The following NCK1 variants were observed in gnomAD, a reference collection of about 807,000 sequenced individuals.
NCK1 encodes SH2/SH3 adapter protein NCK1.
NCK1 carries 19 observed loss-of-function variants against 36.6 expected under a neutral mutation model. That is an observed-to-expected ratio of 0.52 (90% confidence interval 0.36 to 0.76). The LOEUF is 0.76. NCK1 is among the 30% of genes least tolerant of loss of function. The probability of loss-of-function intolerance (pLI) is 0.00; values close to 1 mark genes in which losing one functional copy is unlikely to be tolerated. For missense variants in NCK1, 358 were observed against 445.6 expected (o/e 0.80, Z 1.77); for synonymous variants, 165 against 156.0 (o/e 1.06, Z -0.43).
At chr3:136,939,224 A>C (rs1363984942) in intron 2 of NCK1, among the ~76,000 whole-genome samples, 1 of 152,112 alleles carries the variant, frequency 6.6e-6, no homozygotes, top group Admixed American at 6.5e-5. Flanking sequence ...GTTTCTTGGA[A>C]TTGATGTTTT....
In NCK1 at chr3:136,945,673, A is replaced by G. The variant is rs1198000788; in HGVS notation, c.317A>G (p.Asp106Gly). ...SFVDPGERLY[D>G]LNMPAYVKFN... Reference sequence around the variant, plus strand: ...GTTGACCCAGGGGAACGTCTCTATGACCTCAACATGCCCGCTTATGTGAAA... The same window carrying G: ...GTTGACCCAGGGGAACGTCTCTATGGCCTCAACATGCCCGCTTATGTGAAA... The change falls in exon 3 of 4, where the codon GAC becomes GGC. Residue 106 changes from aspartate to glycine, a missense_variant. Around this residue, in one of 3 missense-constraint regions of NCK1, gnomAD observed 143 missense variants for 162.4 expected, o/e 0.88. Coordinates refer to ENST00000481752, the MANE Select transcript of NCK1 (RefSeq NM_001291999.2). The G allele has an allele frequency of 3.7e-6, 6 of 1,614,112 alleles. No individual in the cohort carries two copies. The highest frequency in any genetic ancestry group is 5.1e-6 in the Non-Finnish European group (6 of 1,179,992).
chr3:136,873,406 C>T (rs1215557817), intron 1 of NCK1, among the ~76,000 whole-genome samples: 2 of 152,172 alleles, frequency 1.3e-5, no homozygotes, highest in African/African-American at 4.8e-5. Context: ...TCCTGTACCC[C>T]CATCTTATCT....
intron 1 of NCK1, among the ~76,000 whole-genome samples, chr3:136,908,214 G>T (rs549349837): frequency 6.6e-5 from 10 of 152,226 alleles, no homozygotes; most frequent in Non-Finnish European, 1.0e-4. Context: ...ACATAGGTCC[G>T]CAACCGTATC....
intron 2 of NCK1, among the ~76,000 whole-genome samples, chr3:136,929,166 C>T (rs1940328892): frequency 6.6e-6 from 1 of 152,140 alleles, no homozygotes; most frequent in Non-Finnish European, 1.5e-5. Context: ...CTCCTGGGCT[C>T]AAGCAACCCT....
At position 136,880,295 on chromosome 3, in the gene NCK1, A is replaced by AT. The variant is rs1381681566; in HGVS notation, c.-19+17942_-19+17943insT. Among the ~76,000 whole-genome samples, 4 of 152,224 alleles carry AT rather than the reference A, an allele frequency of 2.6e-5. No individual in the cohort carries two copies. In the East Asian group the frequency reaches 7.7e-4, roughly 29 times the overall value. On this transcript the variant is annotated intron_variant, in intron 1 of 3. Coordinates refer to ENST00000481752, the MANE Select transcript of NCK1 (RefSeq NM_001291999.2). ...GCGAGACTCCGTCTCAAAAAAAAAAAAAGAATGTGACCTTATTTCGAAGTG... is the reference window on the plus strand; with the variant it reads ...GCGAGACTCCGTCTCAAAAAAAAAAATAAGAATGTGACCTTATTTCGAAGTG...
At chr3:136,886,817 C>CTT (rs35976394) in intron 1 of NCK1, among the ~76,000 whole-genome samples, 2 of 137,078 alleles carry the variant, frequency 1.5e-5, no homozygotes, top group South Asian at 4.6e-4. Context: ...CATGATCAGT[C>CTT]TTTTTTTTTT....
Position 136,945,765 on chromosome 3 carries a change from G to T in NCK1, c.409G>T (p.Glu137Ter). Residue 137 changes from glutamate (E) to a stop codon, truncating the protein, a stop_gained, in exon 3 of 4, where the codon GAG becomes TAG. Transcript: ENST00000481752. LOFTEE classifies it high-confidence loss of function. Reference sequence around the variant, plus strand: ...AAAGGGGACAAAGGTGATCGTCATGGAGAAATGCAGTGATGGGTGGTGGCG... The same window carrying T: ...AAAGGGGACAAAGGTGATCGTCATGTAGAAATGCAGTGATGGGTGGTGGCG... ...LIKGTKVIVM[E>*]KCSDGWWRGS... The T allele has an allele frequency of 6.2e-7, 1 of 1,614,164 alleles. No homozygotes were observed. Among genetic ancestry groups the T allele is most frequent in the East Asian group, 2.2e-5 (1 of 44,872 alleles).
At chr3:136,900,086 C>G (rs1024534472) in intron 1 of NCK1, 1 of 478,048 alleles carries the variant, frequency 2.1e-6, no homozygotes, top group African/African-American at 2.0e-5. Context: ...TGGTCCCTTT[C>G]AGGGCTTGAT....
At chr3:136,869,150 GA>G (rs1687675516) in intron 1 of NCK1, among the ~76,000 whole-genome samples, 2 of 151,982 alleles carry the variant, frequency 1.3e-5, no homozygotes, top group Admixed American at 1.3e-4. Context: ...AGAGGCAGGA[GA>G]ATGGCTTGAA....
At chr3:136,897,913 C>T (rs1403347872) in intron 1 of NCK1, among the ~76,000 whole-genome samples, 1 of 152,148 alleles carries the variant, frequency 6.6e-6, no homozygotes, top group East Asian at 1.9e-4. Context: ...GAGATCTGAG[C>T]TTCCTAAAAA....
chr3:136,934,779 G>C (rs956277551), intron 2 of NCK1, among the ~76,000 whole-genome samples: 2 of 152,172 alleles, frequency 1.3e-5, no homozygotes, highest in African/African-American at 4.8e-5. Context: ...ATTTAAACTT[G>C]TATCTCCTAT....
At chr3:136,930,102 A>G (rs912797977) in intron 2 of NCK1, among the ~76,000 whole-genome samples, 2 of 152,180 alleles carry the variant, frequency 1.3e-5, no homozygotes, top group African/African-American at 4.8e-5. Context: ...CAGCTTTTAC[A>G]TTAGATAAAC....
intron 1 of NCK1, among the ~76,000 whole-genome samples, chr3:136,867,253 G>C (rs975599440): frequency 8.7e-6 from 1 of 114,348 alleles, no homozygotes; most frequent in Non-Finnish European, 1.8e-5. Context: ...CCGTCCGTCT[G>C]TCTCTCTCTC....
chr3:136,866,989 C>G (rs538349278), intron 1 of NCK1, among the ~76,000 whole-genome samples: 1 of 151,760 alleles, frequency 6.6e-6, no homozygotes, highest in African/African-American at 2.4e-5. Context: ...GTTGAATTTT[C>G]GCTTTTGGTC....
chr3:136,925,151 G>A lies in NCK1; in HGVS notation c.-18-2833G>A, dbSNP rs374467312. 7.9e-5 allele frequency among the ~76,000 whole-genome samples: 12 copies of A among 152,230 alleles called. No homozygotes were observed. The East Asian group carries it at 2.3e-3, about 29-fold the overall frequency. On this transcript the variant is annotated intron_variant, in intron 1 of 3. Coordinates refer to ENST00000481752, the MANE Select transcript of NCK1 (RefSeq NM_001291999.2). Reference sequence around the variant, plus strand: ...AATTTTTAGTTATTATACCAGTAATGTAGTAGAATGCTATTTTTGTACATT... The same window carrying A: ...AATTTTTAGTTATTATACCAGTAATATAGTAGAATGCTATTTTTGTACATT...
At chr3:136,937,603 C>T (rs1328067668) in intron 2 of NCK1, among the ~76,000 whole-genome samples, 2 of 152,096 alleles carry the variant, frequency 1.3e-5, no homozygotes, top group Non-Finnish European at 2.9e-5. Flanking sequence ...TTATTTAAGT[C>T]TTCTTTAATT....
At chr3:136,920,459 G>C (rs115565006) in intron 1 of NCK1, among the ~76,000 whole-genome samples, 1 of 151,928 alleles carries the variant, frequency 6.6e-6, no homozygotes, top group African/African-American at 2.4e-5. Context: ...AAAGGAATGA[G>C]AATAAAGAAA....
At chr3:136,927,595 C>T (rs1216795892) in intron 1 of NCK1, among the ~76,000 whole-genome samples, 2 of 151,940 alleles carry the variant, frequency 1.3e-5, no homozygotes, top group Non-Finnish European at 2.9e-5. Flanking sequence ...GATATCGGCT[C>T]ACTGCAACCT....
At position 136,941,623 on chromosome 3, in the gene NCK1, C is replaced by A. The variant is rs866808920; in HGVS notation, c.227-3960C>A. 1.7e-3 allele frequency among the ~76,000 whole-genome samples: 259 copies of A among 152,112 alleles called. 1 individual carries two copies. The highest frequency in any genetic ancestry group is 5.3e-3 in the African/African-American group (218 of 41,498). ...CATCTTTGTATATTACATCTTTACACATTAAAATATATGCCCATTAACCTA... is the reference window on the plus strand; with the variant it reads ...CATCTTTGTATATTACATCTTTACAAATTAAAATATATGCCCATTAACCTA... On this transcript the variant is annotated intron_variant, in intron 2 of 3. Transcript: ENST00000481752.
Sources: gnomAD v4.1 joint callset for allele counts (sites outside exome capture counted in the v4.1 genomes callset) on GRCh38, gnomAD v4.1.1 for gene constraint, gnomAD v4.1.1 regional missense constraint, MANE v1.5 for transcripts, NCBI Gene and HGNC (gene_info 2026-07-23, HGNC 2026-07-21) for gene names.